Variants in CTPS1 observed in about 807,000 individuals in gnomAD.
CTPS1 encodes CTP synthetase 1.
In CTPS1, 25 loss-of-function variants were observed where a neutral mutation model predicts 80.5. The ratio of observed to expected loss-of-function variants is 0.31; its 90% CI spans 0.23 to 0.43. The LOEUF is 0.43. Ranked by LOEUF, CTPS1 falls within the 20% of genes least tolerant of loss-of-function variation. The pLI is 1.00. For missense variants in CTPS1, 442 were observed against 725.7 expected (o/e 0.61, Z 4.49); for synonymous variants, 267 against 252.5 (o/e 1.06, Z -0.54).
chr1:41,003,061 T>C (rs1161161382), intron 11 of CTPS1, 53 bp from the exon 12 acceptor site: 1 of 1,586,300 alleles, frequency 6.3e-7, no homozygotes, highest in Non-Finnish European at 8.7e-7. Context: ...CTGGGAAAAG[T>C]AGGAGCTGCC....
intron 3 of CTPS1, among the ~76,000 whole-genome samples, chr1:40,986,685 A>G (rs1024075347): frequency 2.6e-5 from 4 of 152,218 alleles, no homozygotes; most frequent in Non-Finnish European, 5.9e-5. Flanking sequence ...GTGCCCAACA[A>G]CTATGATTTT....
rs1643188780 is a variant in CTPS1, at chr1:41,012,142, A to G, written c.*494A>G. ...ATGAAACCAGAGACAAAATCTCTAT[A>G]CTGCCCTGAGTTGGGGGGAATTCTC... On this transcript the variant is annotated 3_prime_UTR_variant, in exon 19 of 19. Transcript: ENST00000650070. 6.6e-6 allele frequency: 1 copy of G among 152,218 alleles called. No individual in the cohort carries two copies. Among genetic ancestry groups the G allele is most frequent in the South Asian group, 2.1e-4 (1 of 4,828 alleles). 9.4% of individuals were successfully genotyped at this position (152,218 alleles called of 1,614,324 possible). A position where few individuals can be genotyped will look rare whatever the true frequency, so the allele number is the denominator to read the frequency against.
intron 7 of CTPS1, among the ~76,000 whole-genome samples, chr1:40,993,134 T>TC (rs1484117591): frequency 6.6e-6 from 1 of 152,156 alleles, no homozygotes; most frequent in Non-Finnish European, 1.5e-5. Context: ...CAGTGGAACC[T>TC]CCACCTGCTG....
chr1:40,991,960 A>C, intron 7 of CTPS1, 115 bp downstream of exon 7: 1 of 788,446 alleles, frequency 1.3e-6, no homozygotes. Flanking sequence ...GGGCTGTTCC[A>C]GAAGAACCCA....
chr1:40,982,000 C>A (rs1432212508), intron 1 of CTPS1: 8 of 1,288,958 alleles, frequency 6.2e-6, no homozygotes, highest in Non-Finnish European at 8.1e-6. Flanking sequence ...CCAAAGTAAG[C>A]ATTTTCTGCT....
chr1:41,006,113 C>A lies in CTPS1; in HGVS notation c.1296+19C>A. On this transcript the variant is annotated intron_variant, in intron 13 of 18. Transcript: ENST00000650070. ...TCCCGTGGTGAGTCAAGTGTTTGAA[C>A]CTCCACAGGGCTTAGAAGGGTGTAG... The A allele has an allele frequency of 6.2e-7, 1 of 1,605,692 alleles. No homozygotes were observed.
chr1:40,993,197 C>A (rs1426157761), intron 7 of CTPS1, among the ~76,000 whole-genome samples: 1 of 151,084 alleles, frequency 6.6e-6, no homozygotes, highest in Non-Finnish European at 1.5e-5. Context: ...ATTATAGGCA[C>A]CTGCCACGAT....
chr1:41,010,131 G>A (rs1251495113), intron 17 of CTPS1, 30 bp from the exon 18 acceptor site: 9 of 1,539,002 alleles, frequency 5.8e-6, no homozygotes, highest in Non-Finnish European at 6.3e-6. Context: ...TTTGGTGGGA[G>A]ATGATGCGTA....
chr1:41,011,300 T>A (rs1175560259), intron 18 of CTPS1, among the ~76,000 whole-genome samples: 1 of 152,156 alleles, frequency 6.6e-6, no homozygotes, highest in Non-Finnish European at 1.5e-5. Context: ...TGTTTCACAG[T>A]CTTAAGGAGC....
Position 41,009,432 on chromosome 1 carries a change from A to G in CTPS1, c.1547-13A>G. On this transcript the variant is annotated splice_polypyrimidine_tract_variant and intron_variant, in intron 16 of 18. Coordinates refer to ENST00000650070, the MANE Select transcript of CTPS1 (RefSeq NM_001905.4). ...TTCACAATGAAGCTGTTTCTTTTGA[A>G]TCTCTATTTCAGATCATCCCTTTTT... is the stretch of plus-strand genomic sequence containing the variant. 6.5e-7 allele frequency: 1 copy of G among 1,540,948 alleles called. No homozygotes were observed. The highest frequency in any genetic ancestry group is 8.7e-7 in the Non-Finnish European group (1 of 1,147,122).
intron 1 of CTPS1, chr1:40,981,343 A>G (rs1392732120): frequency 6.6e-6 from 1 of 152,280 alleles, no homozygotes; most frequent in Non-Finnish European, 1.5e-5. Flanking sequence ...GAGAAACTAA[A>G]GAACGTAAAG....
chr1:41,002,906 A>G (rs1384143622), intron 11 of CTPS1, among the ~76,000 whole-genome samples: 1 of 152,246 alleles, frequency 6.6e-6, no homozygotes, highest in African/African-American at 2.4e-5. Flanking sequence ...TTGCAAATCT[A>G]GAATTTTCAT....
rs879897293 is a variant in CTPS1, at chr1:41,002,389, C to T, written c.1189+135C>T. 10 of 692,890 alleles carry T rather than the reference C, an allele frequency of 1.4e-5. No individual in the cohort carries two copies. In the Admixed American group the frequency reaches 2.5e-4, roughly 18 times the overall value. 42.9% of individuals were successfully genotyped at this position (692,890 alleles called of 1,614,324 possible). ...TGTGGATAGGAGCTCAAGTAGAAGC[C>T]TTCATGTTTTCTCTTTAGAGACAAA... is the stretch of plus-strand genomic sequence containing the variant. On this transcript the variant is annotated intron_variant, in intron 11 of 18. Coordinates refer to ENST00000650070, the MANE Select transcript of CTPS1 (RefSeq NM_001905.4).
chr1:41,002,307 C>T lies in CTPS1; in HGVS notation c.1189+53C>T, dbSNP rs377702254. On this transcript the variant is annotated intron_variant, in intron 11 of 18. Transcript: ENST00000650070. ...CTTAAGAGTAGGAAAGAGTGGGGAA[C>T]GGTGCCACGTGGGAGCCTATGAACA... is the stretch of plus-strand genomic sequence containing the variant. 25 of 1,448,960 alleles carry T rather than the reference C, an allele frequency of 1.7e-5. No individual in the cohort carries two copies. In the African/African-American group the frequency reaches 1.8e-4, roughly 11 times the overall value. The allele number at this position is 1,448,960 out of a possible 1,614,324, so 89.8% of individuals were successfully genotyped here.
At chr1:41,000,212 CTTATG>C (rs1182707667) in intron 9 of CTPS1, among the ~76,000 whole-genome samples, 119 of 135,976 alleles carry the variant, frequency 8.8e-4, no homozygotes, top group African/African-American at 3.1e-3. Context: ...AAGATGGTAA[CTTATG>C]TTTTGTTTTG....
chr1:41,010,301 A>G lies in CTPS1; in HGVS notation c.*9+47A>G. On this transcript the variant is annotated intron_variant, in intron 18 of 18. Transcript: ENST00000650070. ...TAGTTTTTAAAAACATGGTGATAACACACTGCGATTGCAAGAATATCATGG... is the reference window on the plus strand; with the variant it reads ...TAGTTTTTAAAAACATGGTGATAACGCACTGCGATTGCAAGAATATCATGG... The G allele has an allele frequency of 2.3e-6, 3 of 1,313,520 alleles. No homozygotes were observed. The East Asian group carries it at 6.9e-5, about 30-fold the overall frequency. The allele number at this position is 1,313,520 out of a possible 1,614,324, so 81.4% of individuals were successfully genotyped here. A position where few individuals can be genotyped will look rare whatever the true frequency, so the allele number is the denominator to read the frequency against.
intron 8 of CTPS1, 65 bp downstream of exon 8, chr1:40,996,133 C>A: frequency 6.4e-7 from 1 of 1,574,166 alleles, no homozygotes; most frequent in Non-Finnish European, 8.7e-7. Context: ...CTGGTGAAGC[C>A]GACTCTAGCC....
At chr1:40,994,766 A>G (rs541716060) in intron 7 of CTPS1, among the ~76,000 whole-genome samples, 1 of 152,352 alleles carries the variant, frequency 6.6e-6, no homozygotes, top group Admixed American at 6.5e-5. Flanking sequence ...TGGACTTTAA[A>G]TAGTAAACAT....
chr1:41,003,677 A>G (rs1026092800), intron 12 of CTPS1, among the ~76,000 whole-genome samples: 1 of 152,218 alleles, frequency 6.6e-6, no homozygotes, highest in Non-Finnish European at 1.5e-5. Context: ...ATGTATGTAA[A>G]TAGTCTCTAG....
Sources: allele counts gnomAD v4.1 joint callset (sites outside exome capture counted in the v4.1 genomes callset), GRCh38; gene constraint gnomAD v4.1.1; transcripts MANE v1.5; gene names NCBI Gene and HGNC (gene_info 2026-07-23, HGNC 2026-07-21).